Variants in TBC1D22A observed in about 807,000 individuals in gnomAD.
The protein encoded by TBC1D22A is TBC1 domain family member 22A.
Under a neutral mutation model 60.2 loss-of-function variants are expected in TBC1D22A, and 38 were observed. The ratio of observed to expected loss-of-function variants is 0.63; its 90% CI spans 0.49 to 0.83. TBC1D22A has a LOEUF of 0.83. Among genes scored for constraint, TBC1D22A ranks in the 40% least tolerant of loss-of-function variants. TBC1D22A has a pLI of 0.00. For synonymous variants in TBC1D22A, 302 were observed against 281.7 expected, an observed-to-expected ratio of 1.07 and a Z score of -0.72; for missense variants, 628 against 701.0, an observed-to-expected ratio of 0.90 and a Z score of 1.18.
At chr22:46,851,852 T>C (rs974836475) in intron 4 of TBC1D22A, among the ~76,000 whole-genome samples, 2 of 152,220 alleles carry the variant, frequency 1.3e-5, no homozygotes. Context: ...AGGGGTGTGC[T>C]CTTTCTGTCT....
intron 7 of TBC1D22A, among the ~76,000 whole-genome samples, chr22:46,906,081 G>A (rs2069444082): frequency 6.6e-6 from 1 of 152,130 alleles, no homozygotes; most frequent in African/African-American, 2.4e-5. Context: ...ACCTGCGTTT[G>A]GCTTAGTCCA....
At chr22:47,023,427 A>G (rs2062152428) in intron 10 of TBC1D22A, among the ~76,000 whole-genome samples, 1 of 152,246 alleles carries the variant, frequency 6.6e-6, no homozygotes, top group South Asian at 2.1e-4. Context: ...CAGAAAAAAT[A>G]TTGGAAGAAA....
At chr22:47,026,310 C>T (rs2062256454) in intron 10 of TBC1D22A, among the ~76,000 whole-genome samples, 1 of 152,178 alleles carries the variant, frequency 6.6e-6, no homozygotes, top group Non-Finnish European at 1.5e-5. Flanking sequence ...AAGCTTTCCC[C>T]CCAAATCGGA....
chr22:47,171,470 G>A (rs969976066), intron 12 of TBC1D22A, among the ~76,000 whole-genome samples: 1 of 152,274 alleles, frequency 6.6e-6, no homozygotes, highest in African/African-American at 2.4e-5. Flanking sequence ...GAGCCCACAG[G>A]GCCATCTGAG....
intron 11 of TBC1D22A, among the ~76,000 whole-genome samples, chr22:47,097,474 C>T (rs552098878): frequency 3.3e-5 from 5 of 152,016 alleles, no homozygotes; most frequent in South Asian, 2.1e-4. Context: ...ATTAGCCGGG[C>T]GTGGTGGTGG....
chr22:47,172,597 T>A (rs962548709), intron 12 of TBC1D22A, among the ~76,000 whole-genome samples: 6 of 152,226 alleles, frequency 3.9e-5, no homozygotes, highest in African/African-American at 1.4e-4. Flanking sequence ...ATTTTAAGAG[T>A]CTGATCAAAT....
chr22:46,769,550 C>G (rs548030209), intron 1 of TBC1D22A, among the ~76,000 whole-genome samples: 1 of 152,276 alleles, frequency 6.6e-6, no homozygotes, highest in African/African-American at 2.4e-5. Flanking sequence ...GTCCCGCTTC[C>G]GCCGAGACCT....
chr22:46,904,122 TCTATCTATCTATCTATCTATCTAC>T lies in TBC1D22A; in HGVS notation c.901-7948_901-7925del, dbSNP rs2069228952. Among the ~76,000 whole-genome samples the T allele has an allele frequency of 5.6e-5, 5 of 89,094 alleles. No individual in the cohort carries two copies. In the South Asian group the frequency reaches 2.1e-3, roughly 37 times the overall value. 58.4% of individuals were successfully genotyped at this position (89,094 alleles called of 152,430 possible). A position where few individuals can be genotyped will look rare whatever the true frequency, so the allele number is the denominator to read the frequency against. ...ATCTATCTATCTATCTATCTATCTA[TCTATCTATCTATCTATCTATCTAC>T]CTACCTACCTACCTACCTACCTACC... On this transcript the variant is annotated intron_variant, in intron 7 of 12. Transcript: ENST00000337137.
intron 11 of TBC1D22A, among the ~76,000 whole-genome samples, chr22:47,102,468 C>A (rs1408087439): frequency 6.6e-6 from 1 of 152,238 alleles, no homozygotes; most frequent in Non-Finnish European, 1.5e-5. Flanking sequence ...GCTCACGCCT[C>A]CCTGTTTTCC....
At position 47,037,044 on chromosome 22, in the gene TBC1D22A, C is replaced by T. The variant is rs200428928; in HGVS notation, c.1202-27C>T. 2,706 of 1,612,480 alleles carry T rather than the reference C, an allele frequency of 1.7e-3. 16 individuals carry two copies. Among genetic ancestry groups the T allele is most frequent in the South Asian group, 4.6e-3 (415 of 91,062 alleles). On this transcript the variant is annotated intron_variant, in intron 10 of 12. Coordinates refer to ENST00000337137, the MANE Select transcript of TBC1D22A (RefSeq NM_014346.5). ...GCCTCCATAGGGCTCCCCTGACAGCCTTGGGGCCTGTGTTTGTTTTGTGCA... is the reference window on the plus strand; with the variant it reads ...GCCTCCATAGGGCTCCCCTGACAGCTTTGGGGCCTGTGTTTGTTTTGTGCA...
At chr22:46,941,973 C>A (rs1026587427) in intron 8 of TBC1D22A, among the ~76,000 whole-genome samples, 1 of 141,596 alleles carries the variant, frequency 7.1e-6, no homozygotes, top group African/African-American at 2.6e-5. Flanking sequence ...ACACAGTCCA[C>A]CCTTGAACAG....
Position 46,872,076 on chromosome 22 carries a change from GAC to G in TBC1D22A, c.638-6574_638-6573del, listed in dbSNP as rs560210789. On this transcript the variant is annotated intron_variant, in intron 4 of 12. Coordinates refer to ENST00000337137, the MANE Select transcript of TBC1D22A (RefSeq NM_014346.5). ...CATGAAATGGGGATATTTCTAGAAA[GAC>G]ACGACTTAAACTAATACAAGAAGAA... Among the ~76,000 whole-genome samples, 21 of 152,216 alleles carry G rather than the reference GAC, an allele frequency of 1.4e-4. No homozygotes were observed. In the South Asian group the frequency reaches 3.9e-3, roughly 29 times the overall value.
rs538846175 is a variant in TBC1D22A, at chr22:46,921,320, A to G, written c.1015+9132A>G. On this transcript the variant is annotated intron_variant, in intron 8 of 12. Transcript: ENST00000337137. The stretch of plus-strand genomic sequence containing the variant: ...TGTACTCAATATTTAGCTCCCACTT[A>G]TAAGTGAGAACATGCAGTATTTGGT... Among the ~76,000 whole-genome samples the G allele has an allele frequency of 1.2e-4, 18 of 152,260 alleles. No individual in the cohort carries two copies. The Middle Eastern group carries it at 0.01, about 86-fold the overall frequency.
chr22:46,939,683 A>G (rs1228696640), intron 8 of TBC1D22A, among the ~76,000 whole-genome samples: 1 of 152,256 alleles, frequency 6.6e-6, no homozygotes, highest in Non-Finnish European at 1.5e-5. Context: ...GTCTTCGACA[A>G]AATTGTAAGC....
At chr22:47,135,260 G>A (rs542893615) in intron 12 of TBC1D22A, among the ~76,000 whole-genome samples, 98 of 152,322 alleles carry the variant, frequency 6.4e-4, no homozygotes, top group African/African-American at 2.3e-3. Context: ...TTAATCCCAC[G>A]GTCCTTCGAT....
chr22:46,938,257 T>TA (rs2071776005), intron 8 of TBC1D22A, among the ~76,000 whole-genome samples: 1 of 152,216 alleles, frequency 6.6e-6, no homozygotes, highest in African/African-American at 2.4e-5. Flanking sequence ...TGTGTTTAGA[T>TA]ATGTTTCGAT....
At chr22:46,875,616 T>C (rs1351895520) in intron 4 of TBC1D22A, among the ~76,000 whole-genome samples, 1 of 152,136 alleles carries the variant, frequency 6.6e-6, no homozygotes, top group African/African-American at 2.4e-5. Context: ...GATGCTTGGC[T>C]AATTTTTGTA....
intron 4 of TBC1D22A, among the ~76,000 whole-genome samples, chr22:46,850,995 AAT>A (rs2087247224): frequency 6.6e-6 from 1 of 152,168 alleles, no homozygotes; most frequent in Non-Finnish European, 1.5e-5. Flanking sequence ...CGGAAAGTGG[AAT>A]GGTAGTTGTG....
chr22:47,134,441 G>T (rs1009841197), intron 12 of TBC1D22A, among the ~76,000 whole-genome samples: 8 of 152,230 alleles, frequency 5.3e-5, no homozygotes, highest in African/African-American at 1.9e-4. Context: ...CTGGTTGGTA[G>T]CCCACCGCCC....
Sources: gnomAD v4.1 joint callset for allele counts (sites outside exome capture counted in the v4.1 genomes callset) on GRCh38, gnomAD v4.1.1 for gene constraint, MANE v1.5 for transcripts, NCBI Gene and HGNC (gene_info 2026-07-23, HGNC 2026-07-21) for gene names.